Variants in ANK2 observed in about 807,000 individuals in gnomAD.
The protein encoded by ANK2 is ankyrin-2.
Under a neutral mutation model 360.5 loss-of-function variants are expected in ANK2, and 83 were observed. The observed-to-expected ratio is 0.23, with a 90% CI of 0.19 to 0.28. The LOEUF is 0.28. Ranked by LOEUF, ANK2 falls within the 10% of genes least tolerant of loss-of-function variation. The pLI, the probability that ANK2 is intolerant of heterozygous loss-of-function variation, is 1.00. For synonymous variants in ANK2, 1,740 were observed against 1,759.5 expected (o/e 0.99, Z 0.28); for missense variants, 4,201 against 4,795.7 (o/e 0.88, Z 3.66).
the ANK2 span, among the ~76,000 whole-genome samples, chr4:112,728,056 A>G: frequency 6.6e-6 from 1 of 152,018 alleles, no homozygotes; most frequent in Non-Finnish European, 1.5e-5. Context: ...GAACTTTGGG[A>G]GGCCAAGGAA....
At position 112,937,617 on chromosome 4, in the gene ANK2, C is replaced by A. The variant is rs185841815; in HGVS notation, c.21+33103C>A. ...TGCTGATATTACAGGCGTGAGCCACCGCGCCCGGCCTTATTACCTTTTTTG... is the reference window on the plus strand; with the variant it reads ...TGCTGATATTACAGGCGTGAGCCACAGCGCCCGGCCTTATTACCTTTTTTG... On this transcript the variant is annotated intron_variant, in intron 2 of 30. Coordinates refer to the ANK2 transcript ENST00000503271. Among the ~76,000 whole-genome samples, 389 of 152,314 alleles carry A rather than the reference C, an allele frequency of 2.6e-3. 2 individuals are homozygous for A. Among genetic ancestry groups the A allele is most frequent in the African/African-American group, 9.1e-3 (377 of 41,566 alleles).
At chr4:112,901,339 GA>G (rs1486874172) in intron 1 of ANK2, among the ~76,000 whole-genome samples, 1 of 152,152 alleles carries the variant, frequency 6.6e-6, no homozygotes, top group African/African-American at 2.4e-5. Flanking sequence ...GAATGTGAGG[GA>G]AAGCAACTGT....
chr4:113,205,663 T>C (rs540216583), intron 4 of ANK2, among the ~76,000 whole-genome samples: 42 of 152,314 alleles, frequency 2.8e-4, no homozygotes, highest in African/African-American at 9.4e-4. Flanking sequence ...TCACCATTGG[T>C]TACACCCCCA....
At chr4:113,211,347 A>G (rs1490432901) in intron 4 of ANK2, among the ~76,000 whole-genome samples, 1 of 152,194 alleles carries the variant, frequency 6.6e-6, no homozygotes, top group Non-Finnish European at 1.5e-5. Flanking sequence ...TCTTTCACGT[A>G]ATGTGCCATT....
intron 2 of ANK2, among the ~76,000 whole-genome samples, chr4:112,971,553 A>G (rs917485073): frequency 2.6e-5 from 4 of 152,206 alleles, no homozygotes; most frequent in African/African-American, 9.6e-5. Flanking sequence ...AAGTGTTGTG[A>G]ATTTTCTGGC....
chr4:113,213,544 A>G (rs2099048790), intron 4 of ANK2, among the ~76,000 whole-genome samples: 1 of 152,238 alleles, frequency 6.6e-6, no homozygotes, highest in African/African-American at 2.4e-5. Flanking sequence ...CCCCTATAAT[A>G]TAAATCTTTG....
chr4:113,255,019 A>C (rs1453064003), intron 10 of ANK2, among the ~76,000 whole-genome samples: 1 of 152,156 alleles, frequency 6.6e-6, no homozygotes, highest in South Asian at 2.1e-4. Flanking sequence ...TGAACAGTGC[A>C]TTACCCTGCT....
chr4:112,759,602 A>AG, the ANK2 span, among the ~76,000 whole-genome samples: 2 of 152,168 alleles, frequency 1.3e-5, 1 homozygote, highest in Non-Finnish European at 2.9e-5. Context: ...GTTGAGAGGT[A>AG]GGGGGGTGAG....
chr4:112,705,673 C>T, the ANK2 span, among the ~76,000 whole-genome samples: 1 of 152,178 alleles, frequency 6.6e-6, no homozygotes, highest in African/African-American at 2.4e-5. Context: ...CCACCCACCT[C>T]CCGAACTCCG....
chr4:113,349,080 G>A (rs1040748861), intron 36 of ANK2, among the ~76,000 whole-genome samples: 2 of 151,996 alleles, frequency 1.3e-5, no homozygotes, highest in Non-Finnish European at 2.9e-5. Context: ...CATCAATGTC[G>A]ATCTCTCACA....
At chr4:112,849,188 A>G (rs1363103265) in intron 1 of ANK2, among the ~76,000 whole-genome samples, 1 of 152,210 alleles carries the variant, frequency 6.6e-6, no homozygotes, top group Non-Finnish European at 1.5e-5. Context: ...ATAATCTGCT[A>G]TTTTTATAGA....
At chr4:113,102,935 T>G (rs1399990383) in intron 1 of ANK2, among the ~76,000 whole-genome samples, 1 of 152,072 alleles carries the variant, frequency 6.6e-6, no homozygotes, top group African/African-American at 2.4e-5. Flanking sequence ...AATAGAAAAG[T>G]GTAACACAGG....
upstream of ANK2, chr4:113,049,603 C>T (rs80077887): frequency 0.012 from 18,117 of 1,506,396 alleles, 160 homozygotes; most frequent in South Asian, 0.016. Flanking sequence ...CTTACCCTCC[C>T]AGTGCGCGCC....
intron 1 of ANK2, among the ~76,000 whole-genome samples, chr4:112,862,870 C>T (rs2068616730): frequency 6.6e-6 from 1 of 151,666 alleles, no homozygotes; most frequent in Non-Finnish European, 1.5e-5. Context: ...GGTAACATAG[C>T]AAGACTCTCT....
chr4:113,051,539 T>C (rs1484808973), intron 1 of ANK2, among the ~76,000 whole-genome samples: 2 of 152,186 alleles, frequency 1.3e-5, no homozygotes, highest in Non-Finnish European at 2.9e-5. Flanking sequence ...AAGAGCAAGT[T>C]TTGAATGTGT....
chr4:112,857,436 C>T (rs562488121), intron 1 of ANK2, among the ~76,000 whole-genome samples: 1 of 152,158 alleles, frequency 6.6e-6, no homozygotes, highest in African/African-American at 2.4e-5. Flanking sequence ...TTTAATGGCC[C>T]TAGCACCAAG....
At chr4:112,852,480 C>G (rs951658917) in intron 1 of ANK2, among the ~76,000 whole-genome samples, 1 of 152,186 alleles carries the variant, frequency 6.6e-6, no homozygotes. Flanking sequence ...TCCACCCTTT[C>G]CCAACATTTC....
the ANK2 span, among the ~76,000 whole-genome samples, chr4:112,790,957 G>T: frequency 2.2e-4 from 33 of 152,324 alleles, no homozygotes; most frequent in African/African-American, 7.9e-4. Flanking sequence ...AGAGGGTTTT[G>T]ATAAATTTGA....
At chr4:113,221,078 T>A (rs1416359552) in intron 4 of ANK2, among the ~76,000 whole-genome samples, 1 of 152,198 alleles carries the variant, frequency 6.6e-6, no homozygotes, top group African/African-American at 2.4e-5. Flanking sequence ...AGATTTGGAA[T>A]AGCCTAGATT....
Sources: gnomAD v4.1 joint callset for allele counts (sites outside exome capture counted in the v4.1 genomes callset) on GRCh38, gnomAD v4.1.1 for gene constraint, MANE v1.5 for transcripts, NCBI Gene and HGNC (gene_info 2026-07-23, HGNC 2026-07-21) for gene names.